The following PCBP3 variants were observed in gnomAD, a reference collection of about 807,000 sequenced individuals.
PCBP3 encodes poly(rC) binding protein 3.
PCBP3 carries 25 observed loss-of-function variants against 52.7 expected under a neutral mutation model. The observed-to-expected ratio is 0.47, with a 90% confidence interval of 0.35 to 0.66. The LOEUF is 0.66. Ranked by LOEUF, PCBP3 falls within the 30% of genes least tolerant of loss-of-function variation. The probability of loss-of-function intolerance (pLI) is 0.01; values close to 1 mark genes in which losing one functional copy is unlikely to be tolerated. For synonymous variants in PCBP3, 162 were observed against 183.0 expected (o/e 0.89, Z 0.93); for missense variants, 391 against 490.3 (o/e 0.80, Z 1.91).
intron 16 of PCBP3, among the ~76,000 whole-genome samples, chr21:45,937,059 T>A (rs1411894199): frequency 6.6e-6 from 1 of 152,220 alleles, no homozygotes; most frequent in Non-Finnish European, 1.5e-5. Context: ...GCACCAAAGC[T>A]GATGTTCCTC....
At chr21:45,723,499 A>G (rs564978094) in intron 2 of PCBP3, among the ~76,000 whole-genome samples, 1 of 152,404 alleles carries the variant, frequency 6.6e-6, no homozygotes, top group African/African-American at 2.4e-5. Flanking sequence ...ACTGACATTG[A>G]AACAAAAATC....
chr21:45,726,964 A>C (rs1251954426), intron 2 of PCBP3, among the ~76,000 whole-genome samples: 1 of 152,200 alleles, frequency 6.6e-6, no homozygotes, highest in Non-Finnish European at 1.5e-5. Context: ...ATTTTCTCTC[A>C]GTCTGTAGCC....
chr21:45,886,204 G>A (rs2095516114), intron 5 of PCBP3, among the ~76,000 whole-genome samples: 1 of 130,104 alleles, frequency 7.7e-6, no homozygotes, highest in Non-Finnish European at 1.7e-5. Context: ...GTGGTGAGGT[G>A]TGGAGGCCTC....
In PCBP3 at chr21:45,899,723, T is replaced by C. The variant is rs995528739; in HGVS notation, c.189+101T>C. On this transcript the variant is annotated intron_variant, in intron 7 of 17. Coordinates refer to ENST00000681687, the MANE Select transcript of PCBP3 (RefSeq NM_001384156.1). The stretch of plus-strand genomic sequence containing the variant: ...CTAGGTGGCACCCAGTAGGTGCGCC[T>C]TTCCCAGTTGGTGGGTGGTCTGTGT... The C allele has an allele frequency of 6.5e-5, 54 of 836,108 alleles. No homozygotes were observed. In the Middle Eastern group the frequency reaches 2.3e-3, roughly 35 times the overall value. The allele number at this position is 836,108 out of a possible 1,614,324, so 51.8% of individuals were successfully genotyped here.
In PCBP3 at chr21:45,827,370, A is replaced by G. The variant is rs1198345034; in HGVS notation, c.-125-22591A>G. Among the ~76,000 whole-genome samples, 1 of 152,206 alleles carries G rather than the reference A, an allele frequency of 6.6e-6. No homozygotes were observed. Among genetic ancestry groups the G allele is most frequent in the Non-Finnish European group, 1.5e-5 (1 of 68,046 alleles). On this transcript the variant is annotated intron_variant, in intron 4 of 17. Coordinates refer to ENST00000681687, the MANE Select transcript of PCBP3 (RefSeq NM_001384156.1). This position sits in a 1 kb window ranked among gnomAD's most constrained non-coding sequence, Gnocchi z 4.3. The stretch of plus-strand genomic sequence containing the variant: ...CGTCACATCACATGGCCAGGTTTCA[A>G]CTGCAGGTCCTCACACACGCCAAGA...
At chr21:45,664,863 C>T (rs1220023086) in intron 1 of PCBP3, among the ~76,000 whole-genome samples, 5 of 147,368 alleles carry the variant, frequency 3.4e-5, no homozygotes, top group East Asian at 4.1e-4. Flanking sequence ...TGAGAATATG[C>T]GGTGTTTGGT....
At chr21:45,683,049 C>T (rs1159701936) in intron 2 of PCBP3, among the ~76,000 whole-genome samples, 6 of 150,238 alleles carry the variant, frequency 4.0e-5, no homozygotes, top group Admixed American at 6.6e-5. Context: ...AAAAATACTG[C>T]GTGTCATCAA....
intron 12 of PCBP3, chr21:45,914,501 G>T: frequency 4.7e-6 from 1 of 214,112 alleles, no homozygotes; most frequent in Non-Finnish European, 9.2e-6. Context: ...ATGGCCCGAC[G>T]ACCGGGCGTC....
rs188582370 is a variant in PCBP3 at position 45,840,154 on chromosome 21, G to T, written c.-125-9807G>T. Among the ~76,000 whole-genome samples, 6 of 151,828 alleles carry T rather than the reference G, an allele frequency of 4.0e-5. No homozygotes were observed. In the East Asian group the frequency reaches 1.2e-3, roughly 30 times the overall value. On this transcript the variant is annotated intron_variant, in intron 4 of 17. Coordinates refer to ENST00000681687, the MANE Select transcript of PCBP3 (RefSeq NM_001384156.1). Reference sequence around the variant, plus strand: ...ATAAAAAAATTTAAAAGTTTATAGAGTAAAAATGTTACAGTAGGCTGGGCA... The same window carrying T: ...ATAAAAAAATTTAAAAGTTTATAGATTAAAAATGTTACAGTAGGCTGGGCA...
At chr21:45,812,361 C>T (rs998895476) in intron 4 of PCBP3, among the ~76,000 whole-genome samples, 1 of 152,190 alleles carries the variant, frequency 6.6e-6, no homozygotes, top group African/African-American at 2.4e-5. Context: ...ATCTGAGTTT[C>T]CATCTGGCAT....
intron 4 of PCBP3, among the ~76,000 whole-genome samples, chr21:45,792,174 A>G (rs1444732373): frequency 6.6e-6 from 1 of 152,300 alleles, no homozygotes. Context: ...CTTACCAACT[A>G]GAACTTTAAA....
chr21:45,693,437 A>G (rs2082598435), intron 2 of PCBP3, among the ~76,000 whole-genome samples: 1 of 152,168 alleles, frequency 6.6e-6, no homozygotes, highest in South Asian at 2.1e-4. Flanking sequence ...AGTGGAGGGA[A>G]TAGCCCATAA....
intron 4 of PCBP3, among the ~76,000 whole-genome samples, chr21:45,768,416 C>G (rs1354339115): frequency 6.6e-6 from 1 of 152,184 alleles, no homozygotes; most frequent in Non-Finnish European, 1.5e-5. Context: ...AAATCACTGG[C>G]AGAATTCTTG....
intron 5 of PCBP3, among the ~76,000 whole-genome samples, chr21:45,874,522 T>TTTTA (rs1176233325): frequency 6.7e-6 from 1 of 149,230 alleles, no homozygotes; most frequent in African/African-American, 2.5e-5. Flanking sequence ...TTTTTTTTTT[T>TTTTA]GAGACAGAGT....
In PCBP3 at chr21:45,648,509, A is replaced by G. The variant is rs17004789; in HGVS notation, c.-279+4641A>G. Among the ~76,000 whole-genome samples the G allele has an allele frequency of 4.3e-3, 650 of 152,304 alleles. 6 individuals are homozygous for G. Among genetic ancestry groups the G allele is most frequent in the African/African-American group, 0.015 (621 of 41,558 alleles). ...CCCAATTGCCGTGTCCCACTGGGTCATCTTTCCTCTGTGTTGGACACTTGA... is the reference window on the plus strand; with the variant it reads ...CCCAATTGCCGTGTCCCACTGGGTCGTCTTTCCTCTGTGTTGGACACTTGA... On this transcript the variant is annotated intron_variant, in intron 1 of 17. Transcript: ENST00000681687.
At chr21:45,926,868 T>G (rs571898384) in intron 13 of PCBP3, among the ~76,000 whole-genome samples, 85 of 152,270 alleles carry the variant, frequency 5.6e-4, no homozygotes, top group African/African-American at 1.9e-3. Context: ...GAGTTCAACT[T>G]TGTGAAATGT....
At chr21:45,932,887 G>A (rs372147495) in intron 15 of PCBP3, among the ~76,000 whole-genome samples, 38 of 150,962 alleles carry the variant, frequency 2.5e-4, no homozygotes, top group Middle Eastern at 3.5e-3. Context: ...GGTCCATGCC[G>A]TCATGAGATG....
chr21:45,684,846 AT>A (rs1403420887), intron 2 of PCBP3, among the ~76,000 whole-genome samples: 1 of 152,242 alleles, frequency 6.6e-6, no homozygotes, highest in Non-Finnish European at 1.5e-5. Flanking sequence ...AACCAGAGAA[AT>A]ATGAATGGGC....
chr21:45,658,689 G>A (rs2080182038), intron 1 of PCBP3, among the ~76,000 whole-genome samples: 1 of 152,242 alleles, frequency 6.6e-6, no homozygotes, highest in Middle Eastern at 3.4e-3. Flanking sequence ...TGGTATTAGG[G>A]TAATACTGGC....
Sources: allele counts gnomAD v4.1 joint callset (sites outside exome capture counted in the v4.1 genomes callset), GRCh38; gene constraint gnomAD v4.1.1; non-coding constraint Gnocchi (gnomAD v3.1); transcripts MANE v1.5; gene names NCBI Gene and HGNC (gene_info 2026-07-23, HGNC 2026-07-21).